Variants in PDE4D observed in about 807,000 individuals in gnomAD.
PDE4D encodes 3',5'-cyclic-AMP phosphodiesterase 4D.
A neutral mutation model predicts 87.4 loss-of-function variants in PDE4D; 24 were observed. The observed-to-expected ratio is 0.27, with a 90% CI of 0.20 to 0.39. PDE4D has a LOEUF of 0.39. PDE4D is among the 10% of genes least tolerant of loss of function. The probability of loss-of-function intolerance (pLI) is 1.00; values close to 1 mark genes in which losing one functional copy is unlikely to be tolerated. For missense variants in PDE4D, 714 were observed against 1,041.0 expected (o/e 0.69, Z 4.32); for synonymous variants, 384 against 383.2 (o/e 1.00, Z -0.02).
intron 1 of PDE4D, among the ~76,000 whole-genome samples, chr5:59,616,918 C>CATATACATATATATATATATAT (rs1829743567): frequency 1.6e-5 from 1 of 62,890 alleles, no homozygotes; most frequent in African/African-American, 5.0e-5. Context: ...CTAATAATTA[C>CATATACATATATATATATATAT]ATATATATAT....
At chr5:59,073,756 G>A (rs1466065017) in intron 5 of PDE4D, among the ~76,000 whole-genome samples, 3 of 152,112 alleles carry the variant, frequency 2.0e-5, no homozygotes, top group Non-Finnish European at 4.4e-5. Context: ...TTAGATATAA[G>A]CATATGATGA....
intron 1 of PDE4D, among the ~76,000 whole-genome samples, chr5:60,512,847 G>A (rs1313962206): frequency 2.6e-5 from 4 of 152,072 alleles, no homozygotes; most frequent in Non-Finnish European, 4.4e-5. Context: ...GTCAAAAAGG[G>A]GGCTAACTAT....
intron 5 of PDE4D, among the ~76,000 whole-genome samples, chr5:59,128,015 C>CGTGTGTGTGTGTGTGTGTGTGTGTGT (rs55796726): frequency 6.9e-6 from 1 of 144,332 alleles, no homozygotes; most frequent in African/African-American, 2.6e-5. Context: ...CTTTCAGAGC[C>CGTGTGTGTGTGTGTGTGTGTGTGTGT]GTGTGTGTGT....
At chr5:60,354,424 T>C (rs1467905676) in intron 1 of PDE4D, among the ~76,000 whole-genome samples, 2 of 152,164 alleles carry the variant, frequency 1.3e-5, no homozygotes. Context: ...CTTTACTTGG[T>C]AGTAAAGTTT....
chr5:60,331,515 G>A (rs1238588883), intron 1 of PDE4D, among the ~76,000 whole-genome samples: 1 of 152,150 alleles, frequency 6.6e-6, no homozygotes, highest in Non-Finnish European at 1.5e-5. Flanking sequence ...CCTGCCCCTT[G>A]GCCTCCCTTT....
Position 59,503,490 on chromosome 5 carries a change from C to T in PDE4D, c.456-287522G>A, listed in dbSNP as rs373933411. Reference sequence around the variant, plus strand: ...GTCATTAATATAAATAAGTAGATAACGATATCTAGTCTATAGGTATTATGA... The same window carrying T: ...GTCATTAATATAAATAAGTAGATAATGATATCTAGTCTATAGGTATTATGA... On this transcript the variant is annotated intron_variant, in intron 1 of 14. Coordinates refer to ENST00000340635, the MANE Select transcript of PDE4D (RefSeq NM_001104631.2). Among the ~76,000 whole-genome samples, 35 of 152,116 alleles carry T rather than the reference C, an allele frequency of 2.3e-4. No individual in the cohort carries two copies. In the East Asian group the frequency reaches 2.7e-3, roughly 12 times the overall value.
intron 3 of PDE4D, among the ~76,000 whole-genome samples, chr5:59,903,236 A>G (rs1486149526): frequency 6.6e-6 from 1 of 152,192 alleles, no homozygotes; most frequent in Non-Finnish European, 1.5e-5. Flanking sequence ...CGAACATCAC[A>G]GCAGGAATTA....
Position 59,185,172 on chromosome 5 carries a change from A to G in PDE4D, c.758+17T>C, listed in dbSNP as rs758731509. On this transcript the variant is annotated intron_variant, in intron 4 of 14. Coordinates refer to ENST00000340635, the MANE Select transcript of PDE4D (RefSeq NM_001104631.2). ...AAAAGTTCAGCAAAAAAGAGGGGGGAAAAAAGGATATCTTACTTGCTAGGT... is the reference window on the plus strand; with the variant it reads ...AAAAGTTCAGCAAAAAAGAGGGGGGGAAAAAGGATATCTTACTTGCTAGGT... 2.5e-5 allele frequency: 39 copies of G among 1,589,762 alleles called. No individual in the cohort carries two copies. Among genetic ancestry groups the G allele is most frequent in the Middle Eastern group, 3.3e-4 (2 of 6,020 alleles).
chr5:59,527,857 C>A (rs1813436510), intron 1 of PDE4D, among the ~76,000 whole-genome samples: 1 of 152,204 alleles, frequency 6.6e-6, no homozygotes, highest in South Asian at 2.1e-4. Context: ...AAACCAATGA[C>A]AGCCTTCTCT....
intron 5 of PDE4D, among the ~76,000 whole-genome samples, chr5:59,098,990 C>T (rs1320827201): frequency 6.6e-6 from 1 of 152,168 alleles, no homozygotes; most frequent in Non-Finnish European, 1.5e-5. Context: ...ATGTAGTTGG[C>T]TGCATCAATC....
At chr5:59,545,690 T>C (rs1230089778) in intron 1 of PDE4D, among the ~76,000 whole-genome samples, 1 of 152,198 alleles carries the variant, frequency 6.6e-6, no homozygotes, top group East Asian at 1.9e-4. Context: ...TTTGAAGAGC[T>C]ATATTGAGTA....
intron 1 of PDE4D, among the ~76,000 whole-genome samples, chr5:60,508,384 T>A (rs145242512): frequency 7.7e-4 from 118 of 152,310 alleles, no homozygotes; most frequent in African/African-American, 2.6e-3. Context: ...CTCAACACAT[T>A]TGCCAGTAAA....
At chr5:59,572,476 T>TTTTTG (rs536501805) in intron 1 of PDE4D, among the ~76,000 whole-genome samples, 1 of 151,378 alleles carries the variant, frequency 6.6e-6, no homozygotes, top group Non-Finnish European at 1.5e-5. Flanking sequence ...TTTTGTTTTG[T>TTTTTG]TTTTGTTTTT....
intron 1 of PDE4D, among the ~76,000 whole-genome samples, chr5:59,420,989 G>A (rs559558623): frequency 3.9e-5 from 6 of 152,252 alleles, no homozygotes; most frequent in South Asian, 2.1e-4. Context: ...CTCCGTACGC[G>A]TATGTGTTTG....
intron 1 of PDE4D, among the ~76,000 whole-genome samples, chr5:59,500,006 G>T (rs1043304762): frequency 2.0e-5 from 3 of 151,994 alleles, no homozygotes; most frequent in African/African-American, 7.3e-5. Context: ...ATGAACAGAT[G>T]CAAAAGTCCT....
Position 60,150,542 on chromosome 5 carries a change from A to G in PDE4D, c.42+35015T>C, listed in dbSNP as rs189562723. On this transcript the variant is annotated intron_variant, in intron 2 of 16. Coordinates refer to the PDE4D transcript ENST00000502484. ...TTTAAAAAGTGTCTCTCAGAGAGAA[A>G]TCTATGCTCACTGGTCTGATGGTGT... Among the ~76,000 whole-genome samples, 14 of 152,242 alleles carry G rather than the reference A, an allele frequency of 9.2e-5. No individual in the cohort carries two copies. The South Asian group carries it at 2.3e-3, about 25-fold the overall frequency.
chr5:59,537,557 G>T (rs1243227196), intron 1 of PDE4D, among the ~76,000 whole-genome samples: 6 of 151,982 alleles, frequency 3.9e-5, no homozygotes, highest in Non-Finnish European at 7.4e-5. Context: ...TAATTTTTCT[G>T]TCTGTGGCTT....
intron 3 of PDE4D, among the ~76,000 whole-genome samples, chr5:59,914,921 A>T (rs1753877041): frequency 1.7e-5 from 2 of 119,130 alleles, no homozygotes; most frequent in South Asian, 5.4e-4. Flanking sequence ...GTATGTGTGT[A>T]AAAGGAAAGA....
intron 2 of PDE4D, among the ~76,000 whole-genome samples, chr5:60,052,638 A>T (rs984997292): frequency 6.6e-6 from 1 of 152,194 alleles, no homozygotes; most frequent in Non-Finnish European, 1.5e-5. Flanking sequence ...CAAGACAAGG[A>T]TGTCCTCTCT....
Sources: gnomAD v4.1 joint callset for allele counts (sites outside exome capture counted in the v4.1 genomes callset) on GRCh38, gnomAD v4.1.1 for gene constraint, MANE v1.5 for transcripts, NCBI Gene and HGNC (gene_info 2026-07-23, HGNC 2026-07-21) for gene names.